Variants in CUBN observed in about 807,000 individuals in gnomAD.
CUBN encodes the protein 460 kDa receptor.
A neutral mutation model predicts 405.3 loss-of-function variants in CUBN; 282 were observed. The ratio of observed to expected loss-of-function variants is 0.70; its 90% CI spans 0.63 to 0.77. The LOEUF is 0.77. Ranked by LOEUF, CUBN falls within the 30% of genes least tolerant of loss-of-function variation. CUBN has a pLI of 0.00. For synonymous variants in CUBN, 1,684 were observed against 1,617.0 expected, an observed-to-expected ratio of 1.04 and a Z score of -0.99; for missense variants, 4,514 against 4,475.2, an observed-to-expected ratio of 1.01 and a Z score of -0.25.
chr10:17,006,310 C>T (rs1463757875), intron 28 of CUBN, among the ~76,000 whole-genome samples: 2 of 152,156 alleles, frequency 1.3e-5, no homozygotes, highest in East Asian at 3.8e-4. Flanking sequence ...ACATGATTCA[C>T]AGTTGTAGCT....
Position 17,122,857 on chromosome 10 carries a change from G to C in CUBN, c.531C>G (p.Tyr177Ter). ...CSADVNECEI[Y>*]SGTPLSCQNG... ...TCTGGCAGCTCAAGGGTGTTCCTGA[G>C]TAAATCTCACATTCGTTAACATCAG... is the stretch of plus-strand genomic sequence containing the variant. The change falls in exon 6 of 67, where the codon TAC becomes TAG. Residue 177 changes from tyrosine (Y) to a stop codon, truncating the protein, a stop_gained. Coordinates refer to ENST00000377833, the MANE Select transcript of CUBN (RefSeq NM_001081.4). LOFTEE classifies it high-confidence loss of function. 1 of 1,613,748 alleles carries C rather than the reference G, an allele frequency of 6.2e-7. No individual in the cohort carries two copies. Among genetic ancestry groups the C allele is most frequent in the Non-Finnish European group, 8.5e-7 (1 of 1,179,898 alleles).
intron 10 of CUBN, among the ~76,000 whole-genome samples, chr10:17,107,744 G>T (rs890676382): frequency 2.6e-5 from 4 of 152,018 alleles, no homozygotes; most frequent in African/African-American, 9.7e-5. Context: ...TGATCCACCT[G>T]CCTCGACCTC....
chr10:16,935,764 T>C (rs534235315), intron 39 of CUBN, among the ~76,000 whole-genome samples: 2 of 150,788 alleles, frequency 1.3e-5, no homozygotes, highest in South Asian at 2.1e-4. Flanking sequence ...CCTGTAGTCC[T>C]AGCTACTTGG....
At chr10:17,124,823 C>T (rs773976346) in intron 4 of CUBN, among the ~76,000 whole-genome samples, 27 of 151,202 alleles carry the variant, frequency 1.8e-4, no homozygotes, top group Non-Finnish European at 3.0e-4. Flanking sequence ...TGGTTGGTAT[C>T]GTTGTTTTGT....
chr10:16,862,835 G>C (rs139232989), intron 59 of CUBN, among the ~76,000 whole-genome samples: 23 of 152,268 alleles, frequency 1.5e-4, no homozygotes, highest in Admixed American at 3.3e-4. Flanking sequence ...CACATAATAA[G>C]TGCTTCTTCC....
intron 63 of CUBN, among the ~76,000 whole-genome samples, chr10:16,835,923 G>A (rs1016890414): frequency 1.3e-5 from 2 of 152,138 alleles, no homozygotes; most frequent in African/African-American, 2.4e-5. Context: ...AAATAAAAAT[G>A]TATATTCAAT....
chr10:17,049,528 C>T (rs1477966177), intron 22 of CUBN, among the ~76,000 whole-genome samples: 1 of 151,976 alleles, frequency 6.6e-6, no homozygotes, highest in Non-Finnish European at 1.5e-5. Context: ...GGGTAGTTTC[C>T]CTTTATCTTG....
rs187393523 is a variant in CUBN, at chr10:16,986,651, C to T, written c.4351-2372G>A. On this transcript the variant is annotated intron_variant, in intron 29 of 66. Transcript: ENST00000377833. Reference sequence around the variant, plus strand: ...TCAAAAGCAGGGCTTTAGGAAGAGCCCTGTGTGGCCCCTGACACGTACACA... The same window carrying T: ...TCAAAAGCAGGGCTTTAGGAAGAGCTCTGTGTGGCCCCTGACACGTACACA... Among the ~76,000 whole-genome samples the T allele has an allele frequency of 8.2e-4, 125 of 152,204 alleles. 1 individual carries two copies. Among genetic ancestry groups the T allele is most frequent in the Non-Finnish European group, 1.4e-3 (97 of 68,016 alleles).
intron 28 of CUBN, among the ~76,000 whole-genome samples, chr10:17,018,787 G>A (rs1834415279): frequency 6.6e-6 from 1 of 152,060 alleles, no homozygotes; most frequent in Admixed American, 6.6e-5. Flanking sequence ...CCGCTGATTG[G>A]TACATTTACA....
chr10:16,836,321 T>A lies in CUBN; in HGVS notation c.10094A>T (p.Tyr3365Phe). 3.7e-6 allele frequency: 6 copies of A among 1,613,920 alleles called. No individual in the cohort carries two copies. The highest frequency in any genetic ancestry group is 5.1e-6 in the Non-Finnish European group (6 of 1,179,770). ...GACCATTGCAGTACTCATAGAAGAATAAAACACTGGCACAGCCGAAGCATT... is the reference window on the plus strand; with the variant it reads ...GACCATTGCAGTACTCATAGAAGAAAAAAACACTGGCACAGCCGAAGCATT... ...GRNASAVPVF[Y>F]SSMSTAMVIF... Residue 3365 changes from tyrosine (Y) to phenylalanine (F), a missense_variant, in exon 63 of 67, where the codon TAT becomes TTT. Around this residue, in one of 5 missense-constraint regions of CUBN, gnomAD observed 1,186 missense variants for 1,186.9 expected, o/e 1.00. Coordinates refer to ENST00000377833, the MANE Select transcript of CUBN (RefSeq NM_001081.4).
At chr10:16,918,518 A>T in intron 45 of CUBN, 104 bp downstream of exon 45, 1 of 862,358 alleles carries the variant, frequency 1.2e-6, no homozygotes, top group Non-Finnish European at 1.9e-6. Flanking sequence ...TACCTGGCTG[A>T]TGAAATAATC....
chr10:16,989,356 TAATA>T (rs1348967794), intron 29 of CUBN, among the ~76,000 whole-genome samples: 16 of 148,374 alleles, frequency 1.1e-4, no homozygotes, highest in African/African-American at 2.9e-4. Flanking sequence ...TAATCTGTTA[TAATA>T]AATATTAATT....
intron 22 of CUBN, among the ~76,000 whole-genome samples, chr10:17,056,107 C>T (rs73600122): frequency 0.021 from 3,229 of 151,544 alleles, 131 homozygotes; most frequent in African/African-American, 0.073. Context: ...ATTCCAGAAG[C>T]AGACCTACAC....
intron 22 of CUBN, among the ~76,000 whole-genome samples, chr10:17,050,073 C>T (rs1835228623): frequency 6.6e-6 from 1 of 152,150 alleles, no homozygotes. Flanking sequence ...TCTCCCTACT[C>T]CATTCAGTTC....
In CUBN at chr10:17,103,178, C is replaced by A. The variant is rs1230224192; in HGVS notation, c.1477G>T (p.Gly493Cys). The A allele has an allele frequency of 9.9e-6, 16 of 1,613,798 alleles. No individual in the cohort carries two copies. Among genetic ancestry groups the A allele is most frequent in the Non-Finnish European group, 1.3e-5 (15 of 1,179,918 alleles). The change falls in exon 13 of 67, where the codon GGT (glycine) becomes TGT (cysteine). Residue 493 changes from glycine to cysteine, a missense_variant. Coordinates refer to ENST00000377833, the MANE Select transcript of CUBN (RefSeq NM_001081.4). ...AAGCAGTTAACATCATGAACATAAC[C>A]AACATCCGGGCTCCTGTAGCTGAAG... ...GSFSYRSPDV[G>C]YVHDVNCFWV... is the part of the protein sequence containing the mutation.
chr10:16,918,061 T>C (rs1356225540), intron 45 of CUBN, among the ~76,000 whole-genome samples: 4 of 152,210 alleles, frequency 2.6e-5, no homozygotes, highest in Non-Finnish European at 5.9e-5. Context: ...CTTTTCCCTA[T>C]TGCTTGCTTT....
At chr10:16,874,341 A>G in intron 58 of CUBN, 33 bp downstream of exon 58, 1 of 1,612,592 alleles carries the variant, frequency 6.2e-7, no homozygotes. Context: ...TGCTGAAAGG[A>G]TTTTCTTAAG....
intron 28 of CUBN, among the ~76,000 whole-genome samples, chr10:16,995,343 G>A (rs1833703215): frequency 6.6e-6 from 1 of 152,156 alleles, no homozygotes; most frequent in Admixed American, 6.5e-5. Context: ...ATAGTTCCTA[G>A]GTAAGTAATC....
chr10:17,093,966 A>G (rs1022431376), intron 14 of CUBN, among the ~76,000 whole-genome samples: 1 of 152,114 alleles, frequency 6.6e-6, no homozygotes, highest in Non-Finnish European at 1.5e-5. Flanking sequence ...TCTCAGAAGG[A>G]GAAGAAAGAG....
Sources: allele counts gnomAD v4.1 joint callset (sites outside exome capture counted in the v4.1 genomes callset), GRCh38; gene constraint gnomAD v4.1.1; regional missense constraint gnomAD v4.1.1; transcripts MANE v1.5; gene names NCBI Gene and HGNC (gene_info 2026-07-23, HGNC 2026-07-21).